ERC2: variants seen among roughly 807,000 people sequenced by gnomAD.
The protein encoded by ERC2 is ELKS/RAB6-interacting/CAST family member 2.
In ERC2, 42 loss-of-function variants were observed where a neutral mutation model predicts 114.8. The observed-to-expected ratio is 0.37, with a 90% CI of 0.29 to 0.47. The LOEUF is 0.47. ERC2 is among the 20% of genes least tolerant of loss of function. ERC2 has a pLI of 0.99. For missense variants in ERC2, 939 were observed against 1,150.7 expected, an observed-to-expected ratio of 0.82 and a Z score of 2.66; for synonymous variants, 454 against 425.5, an observed-to-expected ratio of 1.07 and a Z score of -0.82.
intron 17 of ERC2, among the ~76,000 whole-genome samples, chr3:55,583,377 T>G (rs972562480): frequency 5.5e-4 from 78 of 141,600 alleles, no homozygotes; most frequent in African/African-American, 1.9e-3. Flanking sequence ...CTGCCTTCTT[T>G]CCTTCTTTCT....
At chr3:56,430,683 G>A (rs906071063) in intron 2 of ERC2, among the ~76,000 whole-genome samples, 1 of 152,150 alleles carries the variant, frequency 6.6e-6, no homozygotes. Context: ...CAGCTACTAG[G>A]GAGGCTGAGG....
At chr3:55,790,867 G>A (rs1272024645) in intron 14 of ERC2, among the ~76,000 whole-genome samples, 1 of 152,160 alleles carries the variant, frequency 6.6e-6, no homozygotes, top group Non-Finnish European at 1.5e-5. Flanking sequence ...CCTGGTTTTC[G>A]ACTCAAAGGC....
intron 7 of ERC2, among the ~76,000 whole-genome samples, chr3:56,067,436 A>T (rs1024576251): frequency 6.6e-6 from 1 of 152,196 alleles, no homozygotes; most frequent in African/African-American, 2.4e-5. Context: ...TATCACCTTA[A>T]GGAGCTTTTG....
intron 2 of ERC2, among the ~76,000 whole-genome samples, chr3:56,431,430 G>A (rs2061784428): frequency 1.3e-5 from 2 of 152,156 alleles, no homozygotes; most frequent in South Asian, 2.1e-4. Flanking sequence ...CTGTGGCAAC[G>A]TTTGAAGCCA....
chr3:55,631,500 A>C (rs903499206), intron 17 of ERC2, among the ~76,000 whole-genome samples: 3 of 152,240 alleles, frequency 2.0e-5, no homozygotes, highest in African/African-American at 7.2e-5. Context: ...GTTACAAGCT[A>C]GTTTCAAACT....
At chr3:55,573,757 C>T (rs533594924) in intron 17 of ERC2, among the ~76,000 whole-genome samples, 197 of 152,206 alleles carry the variant, frequency 1.3e-3, no homozygotes, top group African/African-American at 4.1e-3. Flanking sequence ...AGCAATGAAG[C>T]CTGCCACGTG....
At chr3:55,607,865 C>T (rs2058711333) in intron 17 of ERC2, 1 of 152,118 alleles carries the variant, frequency 6.6e-6, no homozygotes, top group South Asian at 2.1e-4. Flanking sequence ...GCGCTTTGTT[C>T]TTCTTACCCT....
chr3:56,084,645 C>G (rs1255094892), intron 6 of ERC2, among the ~76,000 whole-genome samples: 1 of 151,998 alleles, frequency 6.6e-6, no homozygotes, highest in African/African-American at 2.4e-5. Context: ...TAAGTGGGAA[C>G]TAAGTTCTGG....
chr3:56,259,727 C>G (rs2052787591), intron 3 of ERC2, among the ~76,000 whole-genome samples: 1 of 151,962 alleles, frequency 6.6e-6, no homozygotes, highest in Non-Finnish European at 1.5e-5. Context: ...GAGCCCCTGC[C>G]CTAAGGGACC....
intron 2 of ERC2, among the ~76,000 whole-genome samples, chr3:56,431,672 C>T (rs2061794894): frequency 6.6e-6 from 1 of 152,138 alleles, no homozygotes; most frequent in Non-Finnish European, 1.5e-5. Context: ...AAAGAGAAGA[C>T]AGTTTTTTTA....
chr3:55,941,944 T>A (rs1346026761), intron 13 of ERC2, among the ~76,000 whole-genome samples: 1 of 152,206 alleles, frequency 6.6e-6, no homozygotes, highest in Non-Finnish European at 1.5e-5. Flanking sequence ...AAAATATACA[T>A]AAAGCTTAGT....
intron 6 of ERC2, among the ~76,000 whole-genome samples, chr3:56,121,948 A>G (rs2079604634): frequency 6.6e-6 from 1 of 152,188 alleles, no homozygotes; most frequent in Admixed American, 6.5e-5. Flanking sequence ...TCCCACCTAC[A>G]GCTCAGCCCC....
chr3:55,820,321 T>G (rs1178527362), intron 14 of ERC2, among the ~76,000 whole-genome samples: 4 of 152,100 alleles, frequency 2.6e-5, no homozygotes, highest in Non-Finnish European at 4.4e-5. Flanking sequence ...CAAGAAAAAC[T>G]AGCTCAGAAC....
At chr3:55,653,160 G>A (rs1480517809) in intron 17 of ERC2, among the ~76,000 whole-genome samples, 1 of 152,002 alleles carries the variant, frequency 6.6e-6, no homozygotes, top group African/African-American at 2.4e-5. Context: ...GACATCTTTA[G>A]TTTTATTCAG....
At chr3:55,538,385 C>T (rs1434309664) in intron 17 of ERC2, among the ~76,000 whole-genome samples, 1 of 152,188 alleles carries the variant, frequency 6.6e-6, no homozygotes, top group Non-Finnish European at 1.5e-5. Context: ...CCAGGGGTAA[C>T]CTTTGTTGGC....
chr3:55,672,857 C>CAT (rs1559480530), intron 17 of ERC2, among the ~76,000 whole-genome samples: 3 of 151,948 alleles, frequency 2.0e-5, no homozygotes, highest in Admixed American at 6.5e-5. Context: ...GGCTTCGGGG[C>CAT]GTAGGAGTCT....
At chr3:56,452,789 C>T (rs998629542) in intron 1 of ERC2, among the ~76,000 whole-genome samples, 4 of 152,062 alleles carry the variant, frequency 2.6e-5, no homozygotes, top group African/African-American at 7.2e-5. Context: ...TAACAATGGC[C>T]TCAAGTGTAA....
chr3:56,246,056 A>G (rs567348195), intron 3 of ERC2, among the ~76,000 whole-genome samples: 6 of 145,440 alleles, frequency 4.1e-5, no homozygotes, highest in African/African-American at 1.5e-4. Flanking sequence ...CCTTAGTGAT[A>G]TTTCTTCCCT....
chr3:55,851,479 C>G (rs1216694488), intron 14 of ERC2, among the ~76,000 whole-genome samples: 4 of 152,078 alleles, frequency 2.6e-5, no homozygotes, highest in Non-Finnish European at 1.5e-5. Flanking sequence ...AAGGAAATAA[C>G]AAAATTTTTT....
Sources: gnomAD v4.1 joint callset for allele counts (sites outside exome capture counted in the v4.1 genomes callset) on GRCh38, gnomAD v4.1.1 for gene constraint, MANE v1.5 for transcripts, NCBI Gene and HGNC (gene_info 2026-07-23, HGNC 2026-07-21) for gene names.